CFAP47: variants seen among roughly 807,000 people sequenced by gnomAD.
CFAP47 encodes the protein cilia and flagella associated protein 47, also known as cilia- and flagella-associated protein 47.
In CFAP47, 29 loss-of-function variants were observed where a neutral mutation model predicts 148.1. The ratio of observed to expected loss-of-function variants is 0.20; its 90% CI spans 0.15 to 0.27. The LOEUF is 0.27. Among genes scored for constraint, CFAP47 ranks in the 10% least tolerant of loss-of-function variants. The pLI is 1.00. For missense variants in CFAP47, 1,872 were observed against 1,697.5 expected (o/e 1.10, Z -1.81); for synonymous variants, 664 against 577.3 (o/e 1.15, Z -2.15).
At chrX:36,056,382 C>T (rs908894915) in intron 26 of CFAP47, among the ~76,000 whole-genome samples, 19 of 111,594 alleles carry the variant, frequency 1.7e-4, no homozygotes, top group African/African-American at 6.2e-4. Flanking sequence ...TCAAGTAATG[C>T]CTGAAGAAGC....
chrX:35,939,830 A>G (rs1308657559), intron 2 of CFAP47, among the ~76,000 whole-genome samples: 15 of 98,494 alleles, frequency 1.5e-4, no homozygotes, highest in Admixed American at 2.3e-4. Flanking sequence ...TGGCTGGGTC[A>G]AATGGTATTT....
At chrX:36,032,499 T>C (rs1175382408) in intron 23 of CFAP47, among the ~76,000 whole-genome samples, 1 of 111,077 alleles carries the variant, frequency 9.0e-6, no homozygotes, top group Non-Finnish European at 1.9e-5. Context: ...GGATATTGTC[T>C]AAAGTACAGA....
intron 15 of CFAP47, among the ~76,000 whole-genome samples, chrX:35,986,677 G>A (rs1936719633): frequency 9.0e-6 from 1 of 110,591 alleles, no homozygotes; most frequent in South Asian, 3.9e-4. Flanking sequence ...TACTTTGGAG[G>A]AGAAGAGGCA....
intron 35 of CFAP47, chrX:36,144,757 T>C: frequency 9.7e-7 from 1 of 1,026,363 alleles, no homozygotes; most frequent in Non-Finnish European, 1.3e-6. Context: ...GTGATCTCTT[T>C]CTCCCTTTGG....
chrX:36,210,461 T>A (rs374205151), intron 45 of CFAP47, among the ~76,000 whole-genome samples: 2 of 112,371 alleles, frequency 1.8e-5, no homozygotes, highest in African/African-American at 3.2e-5. Context: ...AATAATGATG[T>A]TGAGCACCTT....
chrX:36,255,083 T>C (rs1300728022), intron 49 of CFAP47, among the ~76,000 whole-genome samples: 1 of 111,982 alleles, frequency 8.9e-6, no homozygotes, highest in African/African-American at 3.2e-5. Flanking sequence ...TGTGCCTGTG[T>C]GGAGGTTTGT....
chrX:36,299,820 A>C (rs781786619), intron 52 of CFAP47, among the ~76,000 whole-genome samples: 1 of 112,219 alleles, frequency 8.9e-6, no homozygotes, highest in Non-Finnish European at 1.9e-5. Flanking sequence ...TTGGTGCTTC[A>C]AGTACAGTAT....
chrX:36,371,433 A>T (rs111460707), intron 62 of CFAP47, among the ~76,000 whole-genome samples: 3,491 of 108,230 alleles, frequency 0.032, 146 homozygotes, highest in African/African-American at 0.11. Context: ...TTATCTTGTT[A>T]TAAAATGAAA....
rs1003765123 is a variant in CFAP47 at position 36,128,292 on chromosome X, C to T, written c.5321-9666C>T. Among the ~76,000 whole-genome samples, 8 of 111,088 alleles carry T rather than the reference C, an allele frequency of 7.2e-5. No individual in the cohort carries two copies. The Admixed American group carries it at 7.7e-4, about 11-fold the overall frequency. ...GGGGGTTATTATTTTTCTCTGAACA[C>T]TGTGCACAGTGCCCTCACTATGTTA... On this transcript the variant is annotated intron_variant, in intron 33 of 63. Coordinates refer to ENST00000378653, the MANE Select transcript of CFAP47 (RefSeq NM_001304548.2).
chrX:36,234,408 G>A (rs1281218883), intron 46 of CFAP47, among the ~76,000 whole-genome samples: 2 of 111,352 alleles, frequency 1.8e-5, no homozygotes, highest in Admixed American at 9.5e-5. Flanking sequence ...TGATCGCATC[G>A]GCTCCTGAGG....
chrX:36,313,646 A>G (rs897442572), intron 56 of CFAP47, among the ~76,000 whole-genome samples: 29 of 111,198 alleles, frequency 2.6e-4, no homozygotes, highest in Non-Finnish European at 4.9e-4. Context: ...ATTTTCTTAC[A>G]GATTCTACAG....
intron 63 of CFAP47, among the ~76,000 whole-genome samples, chrX:36,380,865 C>G (rs901808363): frequency 8.9e-6 from 1 of 112,175 alleles, no homozygotes; most frequent in Non-Finnish European, 1.9e-5. Flanking sequence ...ATACAGTAGA[C>G]AGTTCTGCAA....
intron 35 of CFAP47, among the ~76,000 whole-genome samples, chrX:36,142,773 A>G (rs1372093607): frequency 9.0e-6 from 1 of 111,082 alleles, no homozygotes; most frequent in Non-Finnish European, 1.9e-5. Flanking sequence ...TATTTATATC[A>G]TTTTATGGGT....
chrX:36,301,296 G>A, intron 53 of CFAP47, 117 bp downstream of exon 53: 1 of 444,113 alleles, frequency 2.3e-6, no homozygotes, highest in Non-Finnish European at 3.7e-6. Flanking sequence ...TTTAGTCATT[G>A]ATTTTTTTTC....
At chrX:36,159,927 A>G (rs1939409491) in intron 38 of CFAP47, among the ~76,000 whole-genome samples, 1 of 112,053 alleles carries the variant, frequency 8.9e-6, no homozygotes, top group Non-Finnish European at 1.9e-5. Context: ...TTTCTTTTTC[A>G]AAGGGTGGGG....
At chrX:36,162,805 G>A (rs1269005140) in intron 39 of CFAP47, among the ~76,000 whole-genome samples, 1 of 111,451 alleles carries the variant, frequency 9.0e-6, no homozygotes, top group Non-Finnish European at 1.9e-5. Context: ...ATAAGATTTA[G>A]TTTGCTAGTA....
chrX:35,925,505 G>C (rs1052426148), intron 1 of CFAP47, among the ~76,000 whole-genome samples: 1 of 111,917 alleles, frequency 8.9e-6, no homozygotes, highest in Admixed American at 9.5e-5. Context: ...ATGTATACCT[G>C]TATTAGTACA....
At chrX:35,994,907 A>G (rs1281010701) in intron 18 of CFAP47, among the ~76,000 whole-genome samples, 4 of 111,690 alleles carry the variant, frequency 3.6e-5, no homozygotes, top group Non-Finnish European at 7.5e-5. Context: ...CTTTGATGTC[A>G]AAGAGCCTAC....
intron 3 of CFAP47, among the ~76,000 whole-genome samples, chrX:35,944,051 C>G (rs1040697171): frequency 5.4e-5 from 6 of 111,199 alleles, no homozygotes; most frequent in African/African-American, 2.0e-4. Flanking sequence ...TTTATTTGGT[C>G]TACTTTGTCC....
Sources: allele counts gnomAD v4.1 joint callset (sites outside exome capture counted in the v4.1 genomes callset), GRCh38; gene constraint gnomAD v4.1.1; transcripts MANE v1.5; gene names NCBI Gene and HGNC (gene_info 2026-07-23, HGNC 2026-07-21).